UGP2: variants seen among roughly 807,000 people sequenced by gnomAD.
UGP2 encodes UDP-glucose pyrophosphorylase 2.
In UGP2, 40 loss-of-function variants were observed where a neutral mutation model predicts 49.0. The ratio of observed to expected loss-of-function variants is 0.82; its 90% CI spans 0.63 to 1.06. The LOEUF (loss-of-function observed/expected upper bound fraction) is 1.06. Among genes scored for constraint, UGP2 ranks in the 50% least tolerant of loss-of-function variants. UGP2 has a pLI of 0.00. For missense variants in UGP2, 460 were observed against 603.5 expected, an observed-to-expected ratio of 0.76 and a Z score of 2.49; for synonymous variants, 225 against 213.0, an observed-to-expected ratio of 1.06 and a Z score of -0.49.
chr2:63,858,909 C>T (rs1003351534), intron 3 of UGP2, among the ~76,000 whole-genome samples: 1 of 127,382 alleles, frequency 7.9e-6, no homozygotes, highest in East Asian at 2.5e-4. Context: ...ACACTTATAA[C>T]TTTTGCTTAG....
chr2:63,862,986 A>C (rs998731863), intron 3 of UGP2: 10 of 387,622 alleles, frequency 2.6e-5, no homozygotes, highest in African/African-American at 1.5e-4. Flanking sequence ...TGAGTCATCT[A>C]CCTTTGTCCT....
chr2:63,852,685 GA>G (rs1343550796), intron 1 of UGP2, among the ~76,000 whole-genome samples: 3 of 152,178 alleles, frequency 2.0e-5, no homozygotes, highest in Admixed American at 6.5e-5. Flanking sequence ...TCATGACTAG[GA>G]GAGTAAAAAT....
chr2:63,864,615 G>T (rs988235181), intron 3 of UGP2, among the ~76,000 whole-genome samples: 4 of 152,168 alleles, frequency 2.6e-5, no homozygotes, highest in African/African-American at 9.7e-5. Context: ...TAATAAGGCA[G>T]AATTTAGGCC....
At chr2:63,848,191 C>CA (rs1486961542) in intron 1 of UGP2, among the ~76,000 whole-genome samples, 1 of 152,252 alleles carries the variant, frequency 6.6e-6, no homozygotes, top group East Asian at 1.9e-4. Flanking sequence ...CTTTAGAAGA[C>CA]AGAGTTTTTC....
chr2:63,887,292 C>A, intron 7 of UGP2, 110 bp from the exon 8 acceptor site: 3 of 1,458,460 alleles, frequency 2.1e-6, no homozygotes, highest in Non-Finnish European at 2.8e-6. Flanking sequence ...TTTTTTTTTC[C>A]ATCAATGGAT....
Position 63,855,520 on chromosome 2 carries a change from GTTTTT to G in UGP2, c.20-769_20-765del, listed in dbSNP as rs372160888. On this transcript the variant is annotated intron_variant, in intron 1 of 9. Coordinates refer to ENST00000337130, the MANE Select transcript of UGP2 (RefSeq NM_006759.4). ...TTGGGTCTGGGGTGTTTCTTTTTCT[GTTTTT>G]TTTTTTTTTTTTTTTTCTCTTTTCT... 8.9e-3 allele frequency: 1,734 copies of G among 194,082 alleles called. 9 individuals are homozygous for G. Among genetic ancestry groups the G allele is most frequent in the East Asian group, 0.061 (362 of 5,912 alleles). 12.0% of individuals were successfully genotyped at this position (194,082 alleles called of 1,614,324 possible).
Position 63,856,341 on chromosome 2 carries a change from C to G in UGP2, c.55C>G (p.Gln19Glu). 1 of 1,613,936 alleles carries G rather than the reference C, an allele frequency of 6.2e-7. No homozygotes were observed. The highest frequency in any genetic ancestry group is 1.7e-5 in the Admixed American group (1 of 60,004). ...AGCAATGTCTCAAGATGGTGCTTCT[C>G]AGTTCCAAGAAGTCATTCGGCAAGA... Reference protein sequence around the residue: ...SKAMSQDGASQFQEVIRQELE... With the variant: ...SKAMSQDGASEFQEVIRQELE... The change falls in exon 2 of 10, where the codon CAG (glutamine) becomes GAG (glutamate). Residue 19 changes from glutamine to glutamate, a missense_variant. Coordinates refer to ENST00000337130, the MANE Select transcript of UGP2 (RefSeq NM_006759.4).
chr2:63,886,626 C>A, intron 7 of UGP2, 88 bp downstream of exon 7: 1 of 1,402,800 alleles, frequency 7.1e-7, no homozygotes, highest in Non-Finnish European at 9.7e-7. Context: ...TCCCTCTGTC[C>A]CATCTATTCC....
chr2:63,846,342 C>A (rs751061612), intron 1 of UGP2, among the ~76,000 whole-genome samples: 1 of 152,054 alleles, frequency 6.6e-6, no homozygotes, highest in Non-Finnish European at 1.5e-5. Flanking sequence ...GGTAATCACT[C>A]TAAATGTTTT....
rs1448449766 is a variant in UGP2 at position 63,842,165 on chromosome 2, G to A, written c.-21G>A. On this transcript the variant is annotated 5_prime_UTR_variant, in exon 1 of 10. Transcript: ENST00000337130. Reference sequence around the variant, plus strand: ...CTAGAAAAAAAAAAAAAAAGCCGGAGTATTTTACTAAGCCCCTAAAATGTC... The same window carrying A: ...CTAGAAAAAAAAAAAAAAAGCCGGAATATTTTACTAAGCCCCTAAAATGTC... 7 of 1,578,512 alleles carry A rather than the reference G, an allele frequency of 4.4e-6. No homozygotes were observed. Among genetic ancestry groups the A allele is most frequent in the Middle Eastern group, 1.7e-4 (1 of 5,848 alleles).
At chr2:63,844,940 G>A (rs910198240) in intron 1 of UGP2, among the ~76,000 whole-genome samples, 5 of 152,112 alleles carry the variant, frequency 3.3e-5, no homozygotes, top group Admixed American at 2.6e-4. Flanking sequence ...TAACAACTGT[G>A]GAAATGGCCT....
intron 3 of UGP2, among the ~76,000 whole-genome samples, chr2:63,862,624 G>A (rs1236051022): frequency 2.6e-5 from 4 of 152,092 alleles, no homozygotes; most frequent in Admixed American, 1.3e-4. Context: ...CGGTTTTATT[G>A]TTGGACCAGG....
rs761591837 is a variant in UGP2, at chr2:63,886,334, T to G, written c.874-7T>G. On this transcript the variant is annotated splice_polypyrimidine_tract_variant and splice_region_variant and intron_variant, in intron 6 of 9. Coordinates refer to ENST00000337130, the MANE Select transcript of UGP2 (RefSeq NM_006759.4). Reference sequence around the variant, plus strand: ...GTGGAGGCACTCACTATTTTCTGCCTTTCTAGGGCGGGACACTCACTCAAT... The same window carrying G: ...GTGGAGGCACTCACTATTTTCTGCCGTTCTAGGGCGGGACACTCACTCAAT... 2.5e-6 allele frequency: 4 copies of G among 1,613,458 alleles called. No individual in the cohort carries two copies. The highest frequency in any genetic ancestry group is 3.4e-6 in the Non-Finnish European group (4 of 1,179,466).
At chr2:63,843,841 ATACC>A (rs1334189523) in intron 1 of UGP2, among the ~76,000 whole-genome samples, 1 of 152,228 alleles carries the variant, frequency 6.6e-6, no homozygotes, top group Admixed American at 6.5e-5. Flanking sequence ...TCACTCTAAG[ATACC>A]AGATTGCACT....
chr2:63,868,692 G>A (rs953233842), intron 3 of UGP2, among the ~76,000 whole-genome samples: 4 of 151,986 alleles, frequency 2.6e-5, no homozygotes, highest in African/African-American at 4.8e-5. Context: ...GGCTGGGCGC[G>A]GTAGCTCACA....
At chr2:63,879,117 TATGA>T (rs1671124278) in intron 3 of UGP2, among the ~76,000 whole-genome samples, 2 of 152,326 alleles carry the variant, frequency 1.3e-5, no homozygotes, top group South Asian at 4.1e-4. Flanking sequence ...TGTTTAATGC[TATGA>T]ATGTTAGTAT....
rs1203543747 is a variant in UGP2 at position 63,891,351 on chromosome 2, T to C, written c.*124T>C. The C allele has an allele frequency of 4.5e-6, 3 of 661,826 alleles. No individual in the cohort carries two copies. The highest frequency in any genetic ancestry group is 7.1e-6 in the Non-Finnish European group (3 of 420,858). 41.0% of individuals were successfully genotyped at this position (661,826 alleles called of 1,614,324 possible). ...TACCCTGCAGTGTTGATTTTTAAAATAGAGTTTTCTGCAGTATGCTTTTAG... is the reference window on the plus strand; with the variant it reads ...TACCCTGCAGTGTTGATTTTTAAAACAGAGTTTTCTGCAGTATGCTTTTAG... On this transcript the variant is annotated 3_prime_UTR_variant, in exon 10 of 10. Coordinates refer to ENST00000337130, the MANE Select transcript of UGP2 (RefSeq NM_006759.4).
chr2:63,882,354 T>C, intron 3 of UGP2, 112 bp from the exon 4 acceptor site: 1 of 1,026,266 alleles, frequency 9.7e-7, no homozygotes, highest in Non-Finnish European at 1.3e-6. Context: ...ATTAAAACTT[T>C]CCACAGAGAA....
At position 63,891,163 on chromosome 2, in the gene UGP2, T is replaced by C; in HGVS notation, c.1463T>C (p.Ile488Thr). 1 of 1,613,724 alleles carries C rather than the reference T, an allele frequency of 6.2e-7. No homozygotes were observed. The highest frequency in any genetic ancestry group is 8.5e-7 in the Non-Finnish European group (1 of 1,179,812). The change falls in exon 10 of 10, where the codon ATC becomes ACC. Residue 488 changes from isoleucine (I) to threonine (T), a missense_variant. Coordinates refer to ENST00000337130, the MANE Select transcript of UGP2 (RefSeq NM_006759.4). ...IIANHGDRID[I>T]PPGAVLENKI... ...GCAAATCATGGTGACAGAATTGATA[T>C]CCCACCTGGAGCAGTATTAGAGAAC... is the stretch of plus-strand genomic sequence containing the variant.
Sources: gnomAD v4.1 joint callset for allele counts (sites outside exome capture counted in the v4.1 genomes callset) on GRCh38, gnomAD v4.1.1 for gene constraint, MANE v1.5 for transcripts, NCBI Gene and HGNC (gene_info 2026-07-23, HGNC 2026-07-21) for gene names.